The following CNTLN variants were observed in gnomAD, a reference collection of about 807,000 sequenced individuals.
CNTLN encodes centlein, also known as centlein, centrosomal protein.
A neutral mutation model predicts 180.0 loss-of-function variants in CNTLN; 212 were observed. The ratio of observed to expected loss-of-function variants is 1.18; its 90% confidence interval spans 1.05 to 1.32. The LOEUF (loss-of-function observed/expected upper bound fraction) is 1.32. Among genes scored for constraint, CNTLN ranks in the 40% most tolerant of loss-of-function variants. The pLI, the probability that CNTLN is intolerant of heterozygous loss-of-function variation, is 0.00. For missense variants in CNTLN, 2,095 were observed against 1,610.9 expected (o/e 1.30, Z -5.14); for synonymous variants, 722 against 563.1 (o/e 1.28, Z -3.99).
chr9:17,484,903 G>C (rs934089710), intron 24 of CNTLN, among the ~76,000 whole-genome samples: 7 of 151,976 alleles, frequency 4.6e-5, no homozygotes, highest in African/African-American at 1.5e-4. Flanking sequence ...GGCTTTCATA[G>C]CTAAATTCAA....
intron 5 of CNTLN, among the ~76,000 whole-genome samples, chr9:17,272,763 T>C (rs1828039204): frequency 6.6e-6 from 1 of 152,184 alleles, no homozygotes; most frequent in Non-Finnish European, 1.5e-5. Context: ...TTTCTGAGTT[T>C]GGATTCTTTC....
At chr9:17,342,773 G>A (rs567840451) in intron 12 of CNTLN, among the ~76,000 whole-genome samples, 20 of 152,146 alleles carry the variant, frequency 1.3e-4, no homozygotes, top group African/African-American at 4.3e-4. Flanking sequence ...GGTGGAGAGG[G>A]GATAACCTAG....
chr9:17,511,671 C>CACAT, the CNTLN span, among the ~76,000 whole-genome samples: 8 of 151,612 alleles, frequency 5.3e-5, no homozygotes, highest in Admixed American at 3.9e-4. Flanking sequence ...CACACACACA[C>CACAT]GCACACGTGC....
At chr9:17,357,665 G>T (rs562074063) in intron 12 of CNTLN, among the ~76,000 whole-genome samples, 2 of 148,400 alleles carry the variant, frequency 1.3e-5, no homozygotes, top group African/African-American at 4.9e-5. Context: ...AATTACATAA[G>T]AAAATCTTGA....
At chr9:17,354,649 C>G (rs969161511) in intron 12 of CNTLN, among the ~76,000 whole-genome samples, 1 of 152,026 alleles carries the variant, frequency 6.6e-6, no homozygotes. Context: ...GTATCTAGCT[C>G]AGGGATTGTA....
rs143155154 is a variant in CNTLN, at chr9:17,442,113, G to C, written c.3115-15411G>C. Among the ~76,000 whole-genome samples, 65 of 152,258 alleles carry C rather than the reference G, an allele frequency of 4.3e-4. No individual in the cohort carries two copies. The East Asian group carries it at 0.012, about 28-fold the overall frequency. ...CGTAAGTACTCCACTTTCAACAATGGATAGAACAAGATTAATCCGGAATCA... is the reference window on the plus strand; with the variant it reads ...CGTAAGTACTCCACTTTCAACAATGCATAGAACAAGATTAATCCGGAATCA... On this transcript the variant is annotated intron_variant, in intron 18 of 25. Coordinates refer to ENST00000380647, the MANE Select transcript of CNTLN (RefSeq NM_017738.4).
rs1587853447 is a variant in CNTLN at position 17,388,130 on chromosome 9, G to A, written c.1988-32G>A. On this transcript the variant is annotated intron_variant, in intron 13 of 25. Coordinates refer to ENST00000380647, the MANE Select transcript of CNTLN (RefSeq NM_017738.4). ...AGGACAGTATTTCAGCAGTACACGT[G>A]GTATCATAATATATTATTTATTCTC... 2.1e-6 allele frequency: 3 copies of A among 1,399,144 alleles called. No homozygotes were observed. In the East Asian group the frequency reaches 6.9e-5, roughly 32 times the overall value. 86.7% of individuals were successfully genotyped at this position (1,399,144 alleles called of 1,614,324 possible).
chr9:17,245,307 A>G (rs1825734464), intron 5 of CNTLN, among the ~76,000 whole-genome samples: 1 of 151,336 alleles, frequency 6.6e-6, no homozygotes, highest in Non-Finnish European at 1.5e-5. Context: ...TGATGGATAT[A>G]CTATTCTATG....
chr9:17,374,854 C>T lies in CNTLN; in HGVS notation c.1987+8137C>T, dbSNP rs551417476. On this transcript the variant is annotated intron_variant, in intron 13 of 25. Coordinates refer to ENST00000380647, the MANE Select transcript of CNTLN (RefSeq NM_017738.4). ...CAGCCTGGGTGACAGAAGTGAGACTCCATCTCAGGAAAAAAAAAAAAAGGA... is the reference window on the plus strand; with the variant it reads ...CAGCCTGGGTGACAGAAGTGAGACTTCATCTCAGGAAAAAAAAAAAAAGGA... Among the ~76,000 whole-genome samples, 3 of 150,792 alleles carry T rather than the reference C, an allele frequency of 2.0e-5. No individual in the cohort carries two copies. In the East Asian group the frequency reaches 5.8e-4, roughly 29 times the overall value.
At chr9:17,314,969 A>T (rs1306047704) in intron 8 of CNTLN, among the ~76,000 whole-genome samples, 1 of 152,188 alleles carries the variant, frequency 6.6e-6, no homozygotes. Context: ...TGTTGATCTT[A>T]TCACCAATTA....
chr9:17,466,293 G>A (rs2068935112), intron 22 of CNTLN, among the ~76,000 whole-genome samples, 175 bp downstream of exon 22: 1 of 151,518 alleles, frequency 6.6e-6, no homozygotes, highest in East Asian at 1.9e-4. Context: ...TAACATTAAA[G>A]ATATTTCTGT....
intron 15 of CNTLN, among the ~76,000 whole-genome samples, chr9:17,408,019 C>T (rs140025745): frequency 0.015 from 2,127 of 145,456 alleles, 43 homozygotes; most frequent in African/African-American, 0.051. Flanking sequence ...CCCAGCTACT[C>T]GGGAGGCTGA....
intron 7 of CNTLN, chr9:17,301,194 C>G (rs1356540294): frequency 4.1e-6 from 4 of 985,392 alleles, no homozygotes; most frequent in Non-Finnish European, 4.8e-6. Flanking sequence ...CAGAAATTCC[C>G]TAGTGTATGT....
intron 23 of CNTLN, 109 bp from the exon 24 acceptor site, chr9:17,484,186 A>C (rs1832784048): frequency 2.4e-6 from 2 of 843,096 alleles, no homozygotes; most frequent in Non-Finnish European, 3.7e-6. Context: ...AAACCAGAGT[A>C]ATCCTAGTAA....
chr9:17,214,561 T>C (rs916489577), intron 2 of CNTLN, among the ~76,000 whole-genome samples: 14 of 152,296 alleles, frequency 9.2e-5, no homozygotes, highest in African/African-American at 3.4e-4. Flanking sequence ...AGGAGTATCT[T>C]TGTGGCGTTC....
intron 2 of CNTLN, among the ~76,000 whole-genome samples, chr9:17,218,577 A>G (rs1365028490): frequency 6.6e-6 from 1 of 152,158 alleles, no homozygotes. Flanking sequence ...ACTGTTTTAG[A>G]ATCTTAGTGT....
chr9:17,300,174 T>C (rs528527060), intron 7 of CNTLN: 1 of 152,342 alleles, frequency 6.6e-6, no homozygotes, highest in East Asian at 1.9e-4. Flanking sequence ...ATTTACTGGC[T>C]GAGCATCCCA....
intron 5 of CNTLN, among the ~76,000 whole-genome samples, chr9:17,257,727 G>A (rs917185396): frequency 2.4e-4 from 36 of 151,528 alleles, no homozygotes; most frequent in Non-Finnish European, 5.1e-4. Flanking sequence ...CTGATGGCCA[G>A]TGATGATGAG....
intron 5 of CNTLN, among the ~76,000 whole-genome samples, chr9:17,246,769 C>A (rs1393016965): frequency 2.0e-5 from 3 of 152,088 alleles, no homozygotes; most frequent in Admixed American, 6.6e-5. Flanking sequence ...AAAGTCCTTC[C>A]CACTCTTCTC....
Sources: gnomAD v4.1 joint callset for allele counts (sites outside exome capture counted in the v4.1 genomes callset) on GRCh38, gnomAD v4.1.1 for gene constraint, MANE v1.5 for transcripts, NCBI Gene and HGNC (gene_info 2026-07-23, HGNC 2026-07-21) for gene names.